Variants in DLEU7 observed in about 807,000 individuals in gnomAD.
The protein encoded by DLEU7 is deleted in lymphocytic leukemia 7.
In DLEU7, 17 loss-of-function variants were observed where a neutral mutation model predicts 16.0. The observed-to-expected ratio is 1.06, with a 90% CI of 0.73 to 1.59. The LOEUF (loss-of-function observed/expected upper bound fraction) is 1.59. Among genes scored for constraint, DLEU7 ranks in the 40% most tolerant of loss-of-function variants. The pLI is 0.00. For synonymous variants in DLEU7, 113 were observed against 139.8 expected (o/e 0.81, Z 1.35); for missense variants, 308 against 314.9 (o/e 0.98, Z 0.17).
chr13:50,747,342 G>GTGTGTGTGTT (rs1223583288), intron 1 of DLEU7, among the ~76,000 whole-genome samples: 1 of 97,510 alleles, frequency 1.0e-5, no homozygotes. Flanking sequence ...CTGTGTGTGT[G>GTGTGTGTGTT]TGTGTGTGTG....
In DLEU7 at chr13:50,843,574, G is replaced by A; in HGVS notation, c.73C>T (p.Gln25Ter). 2.7e-6 allele frequency: 4 copies of A among 1,494,794 alleles called. No homozygotes were observed. The highest frequency in any genetic ancestry group is 3.5e-6 in the Non-Finnish European group (4 of 1,129,594). The allele number at this position is 1,494,794 out of a possible 1,614,324, so 92.6% of individuals were successfully genotyped here. Residue 25 changes from glutamine (Q) to a stop codon, truncating the protein, a stop_gained, in exon 1 of 2, where the codon CAG becomes TAG. Coordinates refer to ENST00000504404, the MANE Select transcript of DLEU7 (RefSeq NM_001306135.2). LOFTEE classifies it high-confidence loss of function. This position sits in a 1 kb window ranked among gnomAD's most constrained non-coding sequence, Gnocchi z 5.7. ...CCGTCCCCCCAGCCCCACTCCTGCT[G>A]CAGCAGCTGCAAGGTCTGCAGAGCC... Reference protein sequence around the residue: ...MVALQTLQLLQQEWGWGDGPV... With the variant: ...MVALQTLQLL
chr13:50,833,226 C>T (rs185655441), intron 1 of DLEU7, among the ~76,000 whole-genome samples: 35 of 152,172 alleles, frequency 2.3e-4, no homozygotes, highest in African/African-American at 5.8e-4. Context: ...AGAAATAAAG[C>T]GTATTCAAAC....
At chr13:50,799,444 G>A (rs866377368) in intron 1 of DLEU7, among the ~76,000 whole-genome samples, 3 of 152,178 alleles carry the variant, frequency 2.0e-5, no homozygotes, top group African/African-American at 4.8e-5. Flanking sequence ...ACTCCAGCCG[G>A]TTGGTCAGAT....
Position 50,836,293 on chromosome 13 carries a change from G to C in DLEU7, c.459+6895C>G, listed in dbSNP as rs957343830. ...ACAGAGAGCACGAAGGAAAGAGATG[G>C]AGATATGGGGGTGGGAGGGCAGTGA... On this transcript the variant is annotated intron_variant, in intron 1 of 1. Transcript: ENST00000504404. Among the ~76,000 whole-genome samples, 6 of 152,248 alleles carry C rather than the reference G, an allele frequency of 3.9e-5. No homozygotes were observed. The South Asian group carries it at 6.2e-4, about 16-fold the overall frequency.
chr13:50,742,200 G>A (rs1292887542), intron 1 of DLEU7, among the ~76,000 whole-genome samples: 2 of 152,052 alleles, frequency 1.3e-5, no homozygotes, highest in Non-Finnish European at 2.9e-5. Flanking sequence ...AAGAGTAATA[G>A]TATACAGATA....
intron 1 of DLEU7, among the ~76,000 whole-genome samples, chr13:50,803,487 G>GC (rs1876302860): frequency 6.6e-6 from 1 of 152,050 alleles, no homozygotes; most frequent in South Asian, 2.1e-4. Flanking sequence ...GTAGCCACCA[G>GC]CCCCATGTGG....
At chr13:50,809,719 A>G (rs1033842254) in intron 1 of DLEU7, among the ~76,000 whole-genome samples, 5 of 152,164 alleles carry the variant, frequency 3.3e-5, no homozygotes, top group East Asian at 1.9e-4. Context: ...GATCCAGTGC[A>G]CAATGATTGT....
At chr13:50,827,265 A>G (rs909134802) in intron 1 of DLEU7, among the ~76,000 whole-genome samples, 1 of 152,222 alleles carries the variant, frequency 6.6e-6, no homozygotes, top group Non-Finnish European at 1.5e-5. Context: ...TTCAAGAGAA[A>G]GGTGGCAAGC....
intron 1 of DLEU7, among the ~76,000 whole-genome samples, chr13:50,759,184 A>G (rs1458052432): frequency 1.3e-5 from 2 of 152,202 alleles, no homozygotes; most frequent in East Asian, 1.9e-4. Context: ...CCCCATATAC[A>G]TATTTTCCAT....
At chr13:50,816,003 G>C (rs1210949074) in intron 1 of DLEU7, among the ~76,000 whole-genome samples, 2 of 152,074 alleles carry the variant, frequency 1.3e-5, no homozygotes, top group East Asian at 1.9e-4. Flanking sequence ...TTAAGCAAAA[G>C]TGTGAGGTCA....
rs1873761183 is a variant in DLEU7, at chr13:50,726,350, A to G, written c.460-13110T>C. 1.3e-5 allele frequency among the ~76,000 whole-genome samples: 2 copies of G among 150,678 alleles called. No individual in the cohort carries two copies. Among genetic ancestry groups the G allele is most frequent in the Non-Finnish European group, 2.9e-5 (2 of 67,818 alleles). ...TCCTCAGCTGACAGTTTACTTCTCC[A>G]ACTTCAACAGCTTCTACCCAAATCC... On this transcript the variant is annotated intron_variant, in intron 1 of 1. Coordinates refer to the DLEU7 transcript ENST00000400393. The surrounding 1 kb of genome is among the most constrained non-coding windows in gnomAD (Gnocchi z 4.0).
chr13:50,764,796 ATAAAGT>A (rs1875049627), intron 1 of DLEU7, among the ~76,000 whole-genome samples: 1 of 152,220 alleles, frequency 6.6e-6, no homozygotes, highest in South Asian at 2.1e-4. Flanking sequence ...ACAATTATCC[ATAAAGT>A]TAGAGTGTTC....
At chr13:50,813,863 A>T (rs1287653527) in intron 1 of DLEU7, among the ~76,000 whole-genome samples, 1 of 152,138 alleles carries the variant, frequency 6.6e-6, no homozygotes. Flanking sequence ...CATTGTCACC[A>T]CTACAATATT....
rs930136314 is a variant in DLEU7, at chr13:50,843,446, C to A, written c.201G>T (p.Glu67Asp). The A allele has an allele frequency of 3.8e-6, 5 of 1,322,296 alleles. No individual in the cohort carries two copies. The highest frequency in any genetic ancestry group is 4.2e-5 in the Admixed American group (1 of 23,854). The allele number at this position is 1,322,296 out of a possible 1,614,324, so 81.9% of individuals were successfully genotyped here. A position where few individuals can be genotyped will look rare whatever the true frequency, so the allele number is the denominator to read the frequency against. Residue 67 changes from glutamate (E) to aspartate (D), a missense_variant, in exon 1 of 2, where the codon GAG (glutamate) becomes GAT (aspartate). Glu to Asp is a conservative substitution (Grantham distance 45). Transcript: ENST00000504404. This position sits in a 1 kb window ranked among gnomAD's most constrained non-coding sequence, Gnocchi z 5.7. ...PRARPGPGRE[E>D]RGGGVGTRSR... ...TCCTGGTCCCCACGCCCCCGCCCCG[C>A]TCCTCGCGCCCGGGCCCCGGCCGGG...
chr13:50,729,094 G>A (rs971842185), intron 1 of DLEU7, among the ~76,000 whole-genome samples: 5 of 152,160 alleles, frequency 3.3e-5, no homozygotes, highest in Admixed American at 2.0e-4. Flanking sequence ...TTGGTTTCAC[G>A]GGTTTGGTGT....
chr13:50,718,512 G>A (rs1873502069), intron 1 of DLEU7, among the ~76,000 whole-genome samples: 2 of 152,176 alleles, frequency 1.3e-5, no homozygotes, highest in African/African-American at 4.8e-5. Context: ...GGTACCAACA[G>A]AATGGAGACC....
upstream of DLEU7, chr13:50,843,898 A>C: frequency 2.0e-6 from 1 of 488,356 alleles, no homozygotes; most frequent in Non-Finnish European, 3.6e-6. The surrounding 1 kb of genome is among the most constrained non-coding windows in gnomAD (Gnocchi z 5.7). Context: ...GTGCACTTGA[A>C]AATCAGCGAA....
chr13:50,818,093 T>C (rs902395313), downstream of DLEU7, among the ~76,000 whole-genome samples: 2 of 152,134 alleles, frequency 1.3e-5, no homozygotes, highest in Admixed American at 6.5e-5. Flanking sequence ...GGAAATTCAA[T>C]GGAGAAAACA....
chr13:50,839,365 A>G (rs893498585), intron 1 of DLEU7, among the ~76,000 whole-genome samples: 1 of 152,240 alleles, frequency 6.6e-6, no homozygotes, highest in Non-Finnish European at 1.5e-5. Flanking sequence ...TTCATCCACC[A>G]TGAAGAAACT....
Sources: allele counts gnomAD v4.1 joint callset (sites outside exome capture counted in the v4.1 genomes callset), GRCh38; gene constraint gnomAD v4.1.1; non-coding constraint Gnocchi (gnomAD v3.1); transcripts MANE v1.5; gene names NCBI Gene and HGNC (gene_info 2026-07-23, HGNC 2026-07-21).